CLCN5: variants seen among roughly 807,000 people sequenced by gnomAD.
CLCN5 encodes the protein H(+)/Cl(-) exchange transporter 5.
CLCN5 carries 17 observed loss-of-function variants against 54.0 expected under a neutral mutation model. That is an observed-to-expected ratio of 0.31 (90% CI 0.22 to 0.47). CLCN5 has a LOEUF of 0.47. Among genes scored for constraint, CLCN5 ranks in the 20% least tolerant of loss-of-function variants. The probability of loss-of-function intolerance (pLI) is 1.00; values close to 1 mark genes in which losing one functional copy is unlikely to be tolerated. For missense variants in CLCN5, 448 were observed against 646.7 expected (o/e 0.69, Z 3.33); for synonymous variants, 222 against 233.0 (o/e 0.95, Z 0.43).
intron 3 of CLCN5, among the ~76,000 whole-genome samples, chrX:49,938,438 G>C (rs1322919331): frequency 1.5e-4 from 17 of 111,622 alleles, no homozygotes; most frequent in Admixed American, 4.8e-4. Flanking sequence ...TACCAAAACA[G>C]AGATATAGAC....
At chrX:50,070,173 T>A (rs1557191373) in intron 5 of CLCN5, 143 bp downstream of exon 5, 4 of 555,102 alleles carry the variant, frequency 7.2e-6, no homozygotes, top group African/African-American at 2.3e-5. Context: ...GTTTCATTTT[T>A]AAATTTATTT....
At chrX:50,069,566 G>A (rs1933152390) in intron 4 of CLCN5, 3 of 808,393 alleles carry the variant, frequency 3.7e-6, no homozygotes, top group Non-Finnish European at 4.4e-6. Context: ...AAATACCTAA[G>A]CTGCTCCAAC....
At chrX:49,970,429 G>A (rs1299107731) in intron 3 of CLCN5, among the ~76,000 whole-genome samples, 5 of 109,995 alleles carry the variant, frequency 4.5e-5, no homozygotes, top group Non-Finnish European at 9.5e-5. Flanking sequence ...CCCCCTACCC[G>A]CACCTGAGCA....
At position 50,028,872 on chromosome X, in the gene CLCN5, T is replaced by TA. The variant is rs1256377027; in HGVS notation, c.17-13443dup. On this transcript the variant is annotated intron_variant, in intron 3 of 14. Coordinates refer to ENST00000376091, the MANE Select transcript of CLCN5 (RefSeq NM_001127898.4). ...GATGCAAGAAGTTATTTCTTTATTTTAGTATATATGAATTAATCAATTTTT... is the reference window on the plus strand; with the variant it reads ...GATGCAAGAAGTTATTTCTTTATTTTAAGTATATATGAATTAATCAATTTTT... 6.2e-5 allele frequency among the ~76,000 whole-genome samples: 7 copies of TA among 112,403 alleles called. No homozygotes were observed. The East Asian group carries it at 1.9e-3, about 31-fold the overall frequency.
rs191840972 is a variant in CLCN5 at position 50,003,562 on chromosome X, C to T, written c.17-38754C>T. The T allele has an allele frequency of 1.8e-4, 68 of 374,950 alleles. No homozygotes were observed. The Middle Eastern group carries it at 7.6e-3, about 42-fold the overall frequency. The allele number at this position is 374,950 out of a possible 1,213,427, so 30.9% of individuals were successfully genotyped here. ...GTGAGCTTTCTGAAAACCCCTCCCACATGCAGGGTTTGCAGGATGGCGAGC... is the reference window on the plus strand; with the variant it reads ...GTGAGCTTTCTGAAAACCCCTCCCATATGCAGGGTTTGCAGGATGGCGAGC... On this transcript the variant is annotated intron_variant, in intron 3 of 14. Coordinates refer to ENST00000376091, the MANE Select transcript of CLCN5 (RefSeq NM_001127898.4).
intron 3 of CLCN5, among the ~76,000 whole-genome samples, chrX:49,949,882 T>G (rs781989132): frequency 8.9e-6 from 1 of 111,983 alleles, no homozygotes; most frequent in East Asian, 2.8e-4. Flanking sequence ...GCTTTGAGTC[T>G]CCTGAAGAGC....
chrX:50,026,103 T>C (rs1339316494), intron 3 of CLCN5, among the ~76,000 whole-genome samples: 1 of 112,162 alleles, frequency 8.9e-6, no homozygotes, highest in Non-Finnish European at 1.9e-5. Context: ...TAGTTCAAAA[T>C]GTTTTTTAAT....
chrX:50,092,598 G>A lies in CLCN5; in HGVS notation c.*379G>A, dbSNP rs782172153. 4.0e-5 allele frequency: 6 copies of A among 148,509 alleles called. No homozygotes were observed. The highest frequency in any genetic ancestry group is 1.6e-4 in the African/African-American group (5 of 32,147). 12.2% of individuals were successfully genotyped at this position (148,509 alleles called of 1,213,427 possible). On this transcript the variant is annotated 3_prime_UTR_variant, in exon 15 of 15. Coordinates refer to ENST00000376091, the MANE Select transcript of CLCN5 (RefSeq NM_001127898.4). ...GACCTATAACCTGTAGGAAACCGACGAAAAAGTCACTCTTTTGGGATCTAA... is the reference window on the plus strand; with the variant it reads ...GACCTATAACCTGTAGGAAACCGACAAAAAAGTCACTCTTTTGGGATCTAA...
intron 9 of CLCN5, among the ~76,000 whole-genome samples, chrX:50,084,607 T>G (rs1289416998): frequency 9.0e-6 from 1 of 111,706 alleles, no homozygotes; most frequent in Non-Finnish European, 1.9e-5. Flanking sequence ...CAGTGTTGAA[T>G]TCCTGGGCTC....
intron 3 of CLCN5, among the ~76,000 whole-genome samples, chrX:50,031,403 T>C (rs1478863538): frequency 1.8e-5 from 2 of 112,247 alleles, no homozygotes; most frequent in Non-Finnish European, 3.8e-5. Context: ...AAGTACAATT[T>C]GTCCATGCTG....
Position 50,090,183 on chromosome X carries a change from C to T in CLCN5, c.1812C>T (p.Tyr604=). 8.3e-7 allele frequency: 1 copy of T among 1,211,144 alleles called. No individual in the cohort carries two copies. Among genetic ancestry groups the T allele is most frequent in the Non-Finnish European group, 1.1e-6 (1 of 894,895 alleles). The part of the protein sequence containing the change: ...IMFELTGGLE[Y]IVPLMAAAMT... The stretch of plus-strand genomic sequence containing the variant: ...TTGAACTGACTGGTGGCTTAGAATA[C>T]ATCGTGCCTCTGATGGCTGCAGCCA... The change falls in exon 13 of 15, where the codon TAC becomes TAT. Residue 604 remains tyrosine, a synonymous_variant. Transcript: ENST00000376091.
intron 3 of CLCN5, among the ~76,000 whole-genome samples, chrX:49,951,015 C>T (rs1369728851): frequency 8.9e-6 from 1 of 111,819 alleles, no homozygotes; most frequent in African/African-American, 3.3e-5. Flanking sequence ...ACCATCCCTA[C>T]CTTTCCCATA....
intron 3 of CLCN5, among the ~76,000 whole-genome samples, chrX:49,998,351 T>A (rs1167965937): frequency 9.0e-5 from 10 of 111,663 alleles, no homozygotes; most frequent in Non-Finnish European, 1.5e-4. Context: ...CAGGAATATA[T>A]ACTTAATGGG....
At chrX:49,947,651 C>T (rs1272583812) in intron 3 of CLCN5, among the ~76,000 whole-genome samples, 3 of 111,664 alleles carry the variant, frequency 2.7e-5, no homozygotes, top group South Asian at 7.6e-4. Context: ...AGTCCCTTCT[C>T]TGTTTATTGT....
intron 3 of CLCN5, among the ~76,000 whole-genome samples, chrX:49,958,884 G>A (rs1241380352): frequency 1.8e-5 from 2 of 111,610 alleles, no homozygotes; most frequent in African/African-American, 6.5e-5. Flanking sequence ...TTGCTTGCTC[G>A]CTCGCTCTGT....
chrX:50,062,124 A>G (rs1425730451), intron 4 of CLCN5, among the ~76,000 whole-genome samples: 1 of 106,767 alleles, frequency 9.4e-6, no homozygotes, highest in African/African-American at 3.5e-5. Context: ...ACGAGCTAAC[A>G]TCATAATGAC....
chrX:50,064,413 G>T (rs1475614244), intron 4 of CLCN5, among the ~76,000 whole-genome samples: 21 of 82,372 alleles, frequency 2.5e-4, no homozygotes, highest in Admixed American at 1.2e-3. Context: ...ATTCACAATT[G>T]CTTCAAAGAG....
At chrX:50,015,209 T>A (rs1233650658) in intron 3 of CLCN5, among the ~76,000 whole-genome samples, 3 of 110,399 alleles carry the variant, frequency 2.7e-5, no homozygotes, top group Non-Finnish European at 5.7e-5. Flanking sequence ...AGAAGAAAAA[T>A]TCAGACGGGC....
Position 49,966,606 on chromosome X carries a change from T to TA in CLCN5, c.16+41292_16+41293insA, listed in dbSNP as rs1927886889. On this transcript the variant is annotated intron_variant, in intron 3 of 14. Coordinates refer to ENST00000376091, the MANE Select transcript of CLCN5 (RefSeq NM_001127898.4). ...TCTCTGATCTTTTTTTTTTTTTTTT[T>TA]TTTTTATTTTTTTATTTTTTTTATT... Among the ~76,000 whole-genome samples the TA allele has an allele frequency of 2.0e-4, 4 of 19,670 alleles. 1 individual carries two copies. Among genetic ancestry groups the TA allele is most frequent in the African/African-American group, 1.1e-3 (4 of 3,667 alleles). 17.1% of individuals were successfully genotyped at this position (19,670 alleles called of 115,157 possible).
Sources: gnomAD v4.1 joint callset for allele counts (sites outside exome capture counted in the v4.1 genomes callset) on GRCh38, gnomAD v4.1.1 for gene constraint, MANE v1.5 for transcripts, NCBI Gene and HGNC (gene_info 2026-07-23, HGNC 2026-07-21) for gene names.